Variants in DLG2 observed in about 807,000 individuals in gnomAD.
DLG2 encodes disks large homolog 2.
A neutral mutation model predicts 132.5 loss-of-function variants in DLG2; 45 were observed. The observed-to-expected ratio is 0.34, with a 90% CI of 0.27 to 0.44. The LOEUF is 0.44. DLG2 is among the 20% of genes least tolerant of loss of function. The probability of loss-of-function intolerance (pLI) is 1.00; values close to 1 mark genes in which losing one functional copy is unlikely to be tolerated. For missense variants in DLG2, 1,045 were observed against 1,196.9 expected (o/e 0.87, Z 1.87); for synonymous variants, 424 against 419.6 (o/e 1.01, Z -0.13).
intron 4 of DLG2, among the ~76,000 whole-genome samples, chr11:85,191,162 G>GCACACACACACACA (rs3067460): frequency 7.9e-4 from 110 of 139,924 alleles, no homozygotes; most frequent in African/African-American, 2.5e-3. Flanking sequence ...GCGCACGCGC[G>GCACACACACACACA]CACACACACA....
intron 7 of DLG2, among the ~76,000 whole-genome samples, chr11:84,325,214 T>A (rs558439186): frequency 2.0e-4 from 31 of 152,260 alleles, no homozygotes; most frequent in East Asian, 3.9e-4. Flanking sequence ...AGGTTTTTTT[T>A]AAATTTAATT....
intron 3 of DLG2, among the ~76,000 whole-genome samples, chr11:85,471,104 G>A (rs745522779): frequency 4.1e-4 from 63 of 152,284 alleles, no homozygotes; most frequent in Admixed American, 9.8e-4. Context: ...TAAACTGCCC[G>A]AATCATAATA....
chr11:85,584,416 G>A (rs1320460650), intron 3 of DLG2, among the ~76,000 whole-genome samples: 1 of 151,426 alleles, frequency 6.6e-6, no homozygotes, highest in African/African-American at 2.4e-5. Flanking sequence ...TGGTTGATGG[G>A]CATTTAGGCT....
At chr11:84,832,656 G>A (rs543143673) in intron 6 of DLG2, among the ~76,000 whole-genome samples, 28 of 151,708 alleles carry the variant, frequency 1.8e-4, no homozygotes, top group South Asian at 1.2e-3. Context: ...TATGGGATCA[G>A]TGACATACAC....
intron 4 of DLG2, among the ~76,000 whole-genome samples, chr11:85,270,521 G>A (rs2077466206): frequency 6.6e-6 from 1 of 152,220 alleles, no homozygotes; most frequent in South Asian, 2.1e-4. Context: ...ATGAGGAAGT[G>A]ACTTTGGAAC....
At chr11:85,217,384 T>C (rs1477403614) in intron 4 of DLG2, among the ~76,000 whole-genome samples, 1 of 150,308 alleles carries the variant, frequency 6.7e-6, no homozygotes, top group Non-Finnish European at 1.5e-5. Context: ...TTATACACAA[T>C]TGCTAAAACA....
chr11:83,591,852 A>T (rs1183535382), intron 19 of DLG2, among the ~76,000 whole-genome samples: 2 of 149,350 alleles, frequency 1.3e-5, no homozygotes, highest in African/African-American at 2.5e-5. Context: ...CCAATAACAG[A>T]CAAACAGAGA....
intron 5 of DLG2, among the ~76,000 whole-genome samples, chr11:85,146,227 C>CTTCTCCCTCT (rs1555384682): frequency 7.7e-6 from 1 of 129,110 alleles, no homozygotes; most frequent in Non-Finnish European, 1.6e-5. Context: ...TCTGTTTCTC[C>CTTCTCCCTCT]CTCTCTCTCT....
At chr11:84,174,811 C>G (rs1222243075) in intron 8 of DLG2, among the ~76,000 whole-genome samples, 2 of 152,148 alleles carry the variant, frequency 1.3e-5, no homozygotes, top group Admixed American at 1.3e-4. Flanking sequence ...ATGCTAATAA[C>G]AATAAAAATG....
At chr11:83,753,786 CATATATATGAT>C (rs2093458322) in intron 18 of DLG2, among the ~76,000 whole-genome samples, 1 of 111,094 alleles carries the variant, frequency 9.0e-6, no homozygotes, top group Non-Finnish European at 1.7e-5. Context: ...ATATATATGT[CATATATATGAT>C]ATATCATATA....
At chr11:84,736,134 T>C (rs1346195149) in intron 6 of DLG2, among the ~76,000 whole-genome samples, 2 of 152,002 alleles carry the variant, frequency 1.3e-5, no homozygotes, top group East Asian at 3.8e-4. Context: ...ATTGTTTCTG[T>C]ATTATTTGTT....
chr11:85,456,202 T>C (rs1048576762), intron 3 of DLG2, among the ~76,000 whole-genome samples: 1 of 152,168 alleles, frequency 6.6e-6, no homozygotes, highest in Admixed American at 6.6e-5. Flanking sequence ...TGGGAGGTTG[T>C]ATGTGTCCAG....
chr11:84,723,316 A>G (rs903677245), intron 6 of DLG2, among the ~76,000 whole-genome samples: 1 of 152,154 alleles, frequency 6.6e-6, no homozygotes, highest in South Asian at 2.1e-4. Flanking sequence ...TCCCCATTTT[A>G]CAGTTTGTGC....
intron 9 of DLG2, among the ~76,000 whole-genome samples, chr11:84,147,391 C>T (rs1398991419): frequency 6.6e-6 from 1 of 152,190 alleles, no homozygotes; most frequent in Non-Finnish European, 1.5e-5. Flanking sequence ...AGAAGAGGTG[C>T]TTTTAATGCA....
chr11:84,628,123 T>C (rs116699373), intron 6 of DLG2, among the ~76,000 whole-genome samples: 2,082 of 140,988 alleles, frequency 0.015, 41 homozygotes, highest in African/African-American at 0.048. Context: ...TATATATATA[T>C]ACACACATAT....
At chr11:85,423,902 G>A (rs1181327193) in intron 3 of DLG2, among the ~76,000 whole-genome samples, 4 of 152,152 alleles carry the variant, frequency 2.6e-5, no homozygotes, top group East Asian at 1.9e-4. Context: ...CACCTACGGA[G>A]TCTGTACAAC....
intron 10 of DLG2, among the ~76,000 whole-genome samples, chr11:84,065,415 A>G (rs1270519348): frequency 6.6e-6 from 1 of 152,242 alleles, no homozygotes; most frequent in African/African-American, 2.4e-5. Flanking sequence ...GGACATGAAC[A>G]GACACTTTTC....
chr11:83,469,513 A>G, intron 24 of DLG2, 140 bp from the exon 25 acceptor site: 1 of 614,064 alleles, frequency 1.6e-6, no homozygotes, highest in Non-Finnish European at 2.7e-6. Context: ...AACAGGTACT[A>G]GTCTTACCCT....
chr11:83,636,209 T>C (rs1372981736), intron 18 of DLG2, among the ~76,000 whole-genome samples: 1 of 152,164 alleles, frequency 6.6e-6, no homozygotes, highest in Admixed American at 6.6e-5. Flanking sequence ...GCTACTTCAT[T>C]GCATTCATCA....
Sources: allele counts gnomAD v4.1 joint callset (sites outside exome capture counted in the v4.1 genomes callset), GRCh38; gene constraint gnomAD v4.1.1; transcripts MANE v1.5; gene names NCBI Gene and HGNC (gene_info 2026-07-23, HGNC 2026-07-21).